PLD5: variants seen among roughly 807,000 people sequenced by gnomAD.
The protein encoded by PLD5 is phospholipase D family member 5.
A neutral mutation model predicts 61.1 loss-of-function variants in PLD5; 36 were observed. That is an observed-to-expected ratio of 0.59 (90% CI 0.45 to 0.78). The LOEUF (loss-of-function observed/expected upper bound fraction) is 0.78. Among genes scored for constraint, PLD5 ranks in the 30% least tolerant of loss-of-function variants. The pLI is 0.00. For missense variants in PLD5, 515 were observed against 644.4 expected, an observed-to-expected ratio of 0.80 and a Z score of 2.17; for synonymous variants, 243 against 242.8, an observed-to-expected ratio of 1.00 and a Z score of -0.01.
intron 4 of PLD5, among the ~76,000 whole-genome samples, chr1:242,233,182 G>GAATT (rs72115808): frequency 2.0e-5 from 3 of 152,068 alleles, no homozygotes; most frequent in Non-Finnish European, 4.4e-5. Context: ...ATGAATGAAT[G>GAATT]AATGAATGAA....
At chr1:242,255,790 T>A (rs4658469) in intron 4 of PLD5, among the ~76,000 whole-genome samples, 2 of 151,758 alleles carry the variant, frequency 1.3e-5, no homozygotes, top group African/African-American at 2.4e-5. Flanking sequence ...ATTCAGCAGC[T>A]CCCTGTCCTT....
chr1:242,377,210 C>T, intron 1 of PLD5: 1 of 1,611,572 alleles, frequency 6.2e-7, no homozygotes, highest in Admixed American at 1.7e-5. Context: ...GGCCACACTC[C>T]CGGCACTGGT....
intron 3 of PLD5, among the ~76,000 whole-genome samples, chr1:242,269,090 C>T (rs1369312987): frequency 6.6e-6 from 1 of 152,094 alleles, no homozygotes; most frequent in Non-Finnish European, 1.5e-5. Flanking sequence ...TGATCCACCT[C>T]CCTCGGCCTC....
At chr1:242,228,710 G>C (rs142819847) in intron 4 of PLD5, among the ~76,000 whole-genome samples, 6 of 151,730 alleles carry the variant, frequency 4.0e-5, no homozygotes, top group Non-Finnish European at 7.4e-5. Context: ...AGGAAGGAGA[G>C]AGAGAGAGGA....
intron 1 of PLD5, chr1:242,449,294 G>A (rs1445117839): frequency 3.3e-6 from 5 of 1,534,336 alleles, no homozygotes; most frequent in Non-Finnish European, 4.4e-6. Context: ...CACCAGCAGA[G>A]GCTAAGAATT....
intron 1 of PLD5, among the ~76,000 whole-genome samples, chr1:242,442,382 C>T (rs545929344): frequency 2.5e-4 from 38 of 152,312 alleles, no homozygotes; most frequent in Middle Eastern, 6.8e-3. Context: ...TTTCCATCTA[C>T]GTGCAGCATC....
intron 2 of PLD5, among the ~76,000 whole-genome samples, chr1:242,335,952 A>G (rs1659477293): frequency 6.6e-6 from 1 of 152,126 alleles, no homozygotes. Context: ...AATTATTTGG[A>G]TTACTGTATT....
chr1:242,129,645 T>G (rs1374241111), intron 5 of PLD5, among the ~76,000 whole-genome samples: 1 of 152,242 alleles, frequency 6.6e-6, no homozygotes, highest in Non-Finnish European at 1.5e-5. Flanking sequence ...GACAAATTCT[T>G]AATTTTTAAA....
chr1:242,257,944 C>T (rs1673172522), intron 4 of PLD5, among the ~76,000 whole-genome samples: 1 of 152,156 alleles, frequency 6.6e-6, no homozygotes, highest in Admixed American at 6.5e-5. Flanking sequence ...TATCCCTCTT[C>T]TTTTTAGAAC....
intron 1 of PLD5, among the ~76,000 whole-genome samples, chr1:242,421,743 A>T (rs1213695365): frequency 1.3e-5 from 2 of 152,224 alleles, no homozygotes; most frequent in African/African-American, 4.8e-5. Flanking sequence ...CACAACTGCA[A>T]GTTTCCTTAA....
At chr1:242,337,095 G>T (rs1659559924) in intron 2 of PLD5, among the ~76,000 whole-genome samples, 1 of 151,848 alleles carries the variant, frequency 6.6e-6, no homozygotes, top group South Asian at 2.1e-4. Context: ...GAGCTCTTGG[G>T]CATGTCTCAC....
intron 5 of PLD5, among the ~76,000 whole-genome samples, chr1:242,165,946 T>C (rs1031356032): frequency 2.0e-5 from 3 of 152,210 alleles, no homozygotes; most frequent in Admixed American, 2.0e-4. Flanking sequence ...TCTGCCTGAC[T>C]GTTCAGTCCT....
intron 5 of PLD5, among the ~76,000 whole-genome samples, chr1:242,139,730 G>T (rs928304653): frequency 6.6e-6 from 1 of 152,192 alleles, no homozygotes; most frequent in Non-Finnish European, 1.5e-5. Context: ...GCTGGAGGCA[G>T]ACAGGACAGG....
At chr1:242,230,463 T>C (rs1036335108) in intron 4 of PLD5, among the ~76,000 whole-genome samples, 1 of 152,170 alleles carries the variant, frequency 6.6e-6, no homozygotes, top group Non-Finnish European at 1.5e-5. Context: ...CATCAATCTC[T>C]TCTTCTGAAA....
chr1:242,266,991 C>T (rs1186743200), intron 3 of PLD5, among the ~76,000 whole-genome samples: 1 of 151,996 alleles, frequency 6.6e-6, no homozygotes, highest in Non-Finnish European at 1.5e-5. Context: ...GTGGTGGGTG[C>T]CTGTAATCCC....
intron 4 of PLD5, among the ~76,000 whole-genome samples, chr1:242,257,056 CTATCT>C (rs1419343621): frequency 6.6e-6 from 1 of 150,688 alleles, no homozygotes. Context: ...ATCTATCTAT[CTATCT>C]ATCTATCTAT....
intron 1 of PLD5, among the ~76,000 whole-genome samples, chr1:242,523,748 T>C (rs1669353619): frequency 6.6e-6 from 1 of 152,132 alleles, no homozygotes; most frequent in Non-Finnish European, 1.5e-5. Context: ...CAACGCCAGG[T>C]TGCTCGGAGC....
At chr1:242,280,976 C>T (rs1269159295) in intron 3 of PLD5, among the ~76,000 whole-genome samples, 5 of 151,894 alleles carry the variant, frequency 3.3e-5, no homozygotes, top group African/African-American at 1.2e-4. Flanking sequence ...TAGGGATGGG[C>T]AAGAAAGGAC....
chr1:242,304,940 C>T lies in PLD5; in HGVS notation c.327-16410G>A, dbSNP rs568630975. ...GCAACATGGTGAAACCCTGTCTCTA[C>T]AAAAAATACAAAAACATTAGCTGGG... On this transcript the variant is annotated intron_variant, in intron 2 of 9. Coordinates refer to ENST00000536534, the MANE Select transcript of PLD5 (RefSeq NM_001372062.1). Among the ~76,000 whole-genome samples the T allele has an allele frequency of 6.0e-4, 92 of 152,102 alleles. No individual in the cohort carries two copies. The South Asian group carries it at 6.8e-3, about 11-fold the overall frequency.
Sources: allele counts gnomAD v4.1 joint callset (sites outside exome capture counted in the v4.1 genomes callset), GRCh38; gene constraint gnomAD v4.1.1; transcripts MANE v1.5; gene names NCBI Gene and HGNC (gene_info 2026-07-23, HGNC 2026-07-21).